Variants in RPS6KC1 observed in about 807,000 individuals in gnomAD.
The protein encoded by RPS6KC1 is ribosomal protein S6 kinase C1, also known as inactive ribosomal protein S6 kinase delta-1.
A neutral mutation model predicts 103.8 loss-of-function variants in RPS6KC1; 54 were observed. The observed-to-expected ratio is 0.52, with a 90% CI of 0.42 to 0.65. The LOEUF (loss-of-function observed/expected upper bound fraction) is 0.65. RPS6KC1 is among the 30% of genes least tolerant of loss of function. RPS6KC1 has a pLI of 0.00. For missense variants in RPS6KC1, 1,151 were observed against 1,253.8 expected (o/e 0.92, Z 1.24); for synonymous variants, 439 against 438.7 (o/e 1.00, Z -0.01).
the RPS6KC1 span, among the ~76,000 whole-genome samples, chr1:213,569,808 G>A: frequency 3.3e-3 from 498 of 152,230 alleles, no homozygotes; most frequent in Admixed American, 5.6e-3. Context: ...TCAACAAACA[G>A]GTATTGAGAA....
chr1:213,772,858 C>A, the RPS6KC1 span, among the ~76,000 whole-genome samples: 1 of 152,312 alleles, frequency 6.6e-6, no homozygotes, highest in African/African-American at 2.4e-5. Context: ...CAACTGGTTT[C>A]CTTCTGTTCT....
At chr1:213,626,056 A>G in the RPS6KC1 span, among the ~76,000 whole-genome samples, 1 of 152,196 alleles carries the variant, frequency 6.6e-6, no homozygotes, top group Non-Finnish European at 1.5e-5. Flanking sequence ...ACAGTGTAAA[A>G]GTGTTCCTAT....
intron 2 of RPS6KC1, among the ~76,000 whole-genome samples, chr1:213,077,343 A>T (rs933453261): frequency 6.6e-6 from 1 of 152,244 alleles, no homozygotes; most frequent in African/African-American, 2.4e-5. Context: ...CATTTTATAT[A>T]GTATAAATCT....
At chr1:213,650,229 C>T in the RPS6KC1 span, among the ~76,000 whole-genome samples, 5 of 152,146 alleles carry the variant, frequency 3.3e-5, no homozygotes, top group Non-Finnish European at 7.4e-5. Context: ...GAAGCAAAAG[C>T]ATTAAGTAAT....
At chr1:213,445,136 CATA>C in the RPS6KC1 span, among the ~76,000 whole-genome samples, 6 of 152,260 alleles carry the variant, frequency 3.9e-5, no homozygotes, top group Non-Finnish European at 8.8e-5. Flanking sequence ...TTCGACTTAG[CATA>C]ATGTTTTCAG....
At chr1:213,163,388 G>A (rs1572945884) in intron 6 of RPS6KC1, among the ~76,000 whole-genome samples, 1 of 152,224 alleles carries the variant, frequency 6.6e-6, no homozygotes, top group Non-Finnish European at 1.5e-5. Flanking sequence ...ACTAAGTAGA[G>A]TCTTATGTGG....
chr1:213,854,145 C>T, the RPS6KC1 span, among the ~76,000 whole-genome samples: 159 of 152,302 alleles, frequency 1.0e-3, no homozygotes, highest in African/African-American at 3.6e-3. Context: ...ACCTCGGGGA[C>T]AGCTCCCCTA....
At chr1:213,217,112 G>A (rs2093686110) in intron 8 of RPS6KC1, among the ~76,000 whole-genome samples, 1 of 151,550 alleles carries the variant, frequency 6.6e-6, no homozygotes, top group South Asian at 2.1e-4. Context: ...CAACAAAATT[G>A]ATAGACAGCT....
At chr1:213,089,466 T>G (rs1427349810) in intron 3 of RPS6KC1, among the ~76,000 whole-genome samples, 1 of 129,246 alleles carries the variant, frequency 7.7e-6, no homozygotes, top group Non-Finnish European at 1.6e-5. Flanking sequence ...TTGCTGTTTG[T>G]TTTTTTTTTT....
intron 6 of RPS6KC1, among the ~76,000 whole-genome samples, chr1:213,160,972 A>C (rs746922488): frequency 2.6e-5 from 4 of 151,808 alleles, no homozygotes; most frequent in African/African-American, 4.8e-5. Flanking sequence ...CATTGTGCAC[A>C]TGTACCCTAG....
chr1:213,363,997 G>A, the RPS6KC1 span, among the ~76,000 whole-genome samples: 2 of 151,874 alleles, frequency 1.3e-5, no homozygotes, highest in African/African-American at 2.4e-5. Context: ...CAAGGGATAG[G>A]TGAGTCAGTA....
At chr1:213,454,934 C>T in the RPS6KC1 span, among the ~76,000 whole-genome samples, 2 of 152,204 alleles carry the variant, frequency 1.3e-5, no homozygotes, top group African/African-American at 4.8e-5. Context: ...GTCAAGGAAC[C>T]TGAGTTAACT....
the RPS6KC1 span, among the ~76,000 whole-genome samples, chr1:213,531,110 G>A: frequency 6.6e-6 from 1 of 152,146 alleles, no homozygotes; most frequent in Non-Finnish European, 1.5e-5. Flanking sequence ...GCCATTATTG[G>A]AATGAGGCAT....
the RPS6KC1 span, among the ~76,000 whole-genome samples, chr1:213,483,741 C>G: frequency 6.6e-6 from 1 of 152,170 alleles, no homozygotes; most frequent in Non-Finnish European, 1.5e-5. Flanking sequence ...GGATGCAGCT[C>G]CTAGCATAAA....
At position 213,206,627 on chromosome 1, in the gene RPS6KC1, G is replaced by T. The variant is rs144513811; in HGVS notation, c.1045-23870G>T. Among the ~76,000 whole-genome samples the T allele has an allele frequency of 2.9e-4, 44 of 152,200 alleles. No homozygotes were observed. The East Asian group carries it at 6.2e-3, about 21-fold the overall frequency. On this transcript the variant is annotated intron_variant, in intron 8 of 14. Transcript: ENST00000366960. ...CCTTTTTTCTCTTGAGCCAAATACT[G>T]CTTCTTTAGGTCTAAATACCGCCCT...
the RPS6KC1 span, among the ~76,000 whole-genome samples, chr1:213,479,302 A>G: frequency 6.6e-6 from 1 of 152,090 alleles, no homozygotes; most frequent in Non-Finnish European, 1.5e-5. Context: ...ACTAGATATT[A>G]CCAAATTTAT....
the RPS6KC1 span, among the ~76,000 whole-genome samples, chr1:213,816,726 C>A: frequency 6.6e-6 from 1 of 152,204 alleles, no homozygotes; most frequent in Admixed American, 6.5e-5. Context: ...GTGCTCTGAA[C>A]AAAAATATTG....
chr1:213,416,711 C>G, the RPS6KC1 span, among the ~76,000 whole-genome samples: 2 of 152,326 alleles, frequency 1.3e-5, no homozygotes, highest in African/African-American at 4.8e-5. Flanking sequence ...CTGGGGTCTG[C>G]TATGCTGGGC....
the RPS6KC1 span, among the ~76,000 whole-genome samples, chr1:213,595,448 C>A: frequency 1.3e-5 from 2 of 152,164 alleles, no homozygotes; most frequent in East Asian, 3.8e-4. Flanking sequence ...AGCCTCTTGT[C>A]CATTTCTTCT....
Sources: allele counts gnomAD v4.1 joint callset (sites outside exome capture counted in the v4.1 genomes callset), GRCh38; gene constraint gnomAD v4.1.1; transcripts MANE v1.5; gene names NCBI Gene and HGNC (gene_info 2026-07-23, HGNC 2026-07-21).